GRM6: variants seen among roughly 807,000 people sequenced by gnomAD.
The protein encoded by GRM6 is glutamate metabotropic receptor 6, also known as metabotropic glutamate receptor 6.
Under a neutral mutation model 78.4 loss-of-function variants are expected in GRM6, and 73 were observed. That is an observed-to-expected ratio of 0.93 (90% CI 0.77 to 1.13). GRM6 has a LOEUF of 1.13. Among genes scored for constraint, GRM6 ranks in the 50% most tolerant of loss-of-function variants. The pLI, the probability that GRM6 is intolerant of heterozygous loss-of-function variation, is 0.00. For missense variants in GRM6, 1,251 were observed against 1,256.4 expected, an observed-to-expected ratio of 1.00 and a Z score of 0.07; for synonymous variants, 580 against 555.0, an observed-to-expected ratio of 1.05 and a Z score of -0.63.
At position 178,986,506 on chromosome 5, in the gene GRM6, G is replaced by A. The variant is rs62638211; in HGVS notation, c.1748C>T (p.Ser583Phe). The change falls in exon 9 of 11, where the codon TCC becomes TTC. Residue 583 changes from serine (S) to phenylalanine (F), a missense_variant. Ser to Phe is a radical substitution (Grantham distance 155). Coordinates refer to ENST00000517717, the MANE Select transcript of GRM6 (RefSeq NM_000843.4). Reference sequence around the variant, plus strand: ...GAGGAGCGGCGGGGCTGCCCAGGGGGAGGACCAGCTCAGGCGCACCACAGG... The same window carrying A: ...GAGGAGCGGCGGGGCTGCCCAGGGGAAGGACCAGCTCAGGCGCACCACAGG... ...PTPVVRLSWS[S>F]PWAAPPLLLA... 2.5e-5 allele frequency: 41 copies of A among 1,609,584 alleles called. No individual in the cohort carries two copies. Among genetic ancestry groups the A allele is most frequent in the Middle Eastern group, 3.3e-4 (2 of 6,052 alleles).
At position 178,981,709 on chromosome 5, in the gene GRM6, G is replaced by A; in HGVS notation, c.2582C>T (p.Thr861Ile). ...CTTGGGTGGGGCTGCCACCGTGGAG[G>A]TGGCCTTGAGGCTCCGCTTTCGCTT... ...VQKRKRSLKA[T>I]STVAAPPKGE... The change falls in exon 11 of 11, where the codon ACC becomes ATC. Residue 861 changes from threonine (T) to isoleucine (I), a missense_variant. Thr to Ile is a moderately conservative substitution (Grantham distance 89, BLOSUM62 -1). Transcript: ENST00000517717. This position sits in a 1 kb window ranked among gnomAD's most constrained non-coding sequence, Gnocchi z 5.1. The A allele has an allele frequency of 1.2e-6, 2 of 1,614,144 alleles. No individual in the cohort carries two copies. Among genetic ancestry groups the A allele is most frequent in the Non-Finnish European group, 1.7e-6 (2 of 1,179,986 alleles).
In GRM6 at chr5:178,981,680, C is replaced by T. The variant is rs150479026; in HGVS notation, c.2611G>A (p.Glu871Lys). 4.5e-5 allele frequency: 73 copies of T among 1,613,838 alleles called. No homozygotes were observed. The highest frequency in any genetic ancestry group is 6.7e-5 in the East Asian group (3 of 44,876). The change falls in exon 11 of 11, where the codon GAG becomes AAG. Residue 871 changes from glutamate to lysine, a missense_variant. Transcript: ENST00000517717. This position sits in a 1 kb window ranked among gnomAD's most constrained non-coding sequence, Gnocchi z 5.1. Reference sequence around the variant, plus strand: ...TGCTACTTGTGGGCCTCTGCATCCTCGCCCTTGGGTGGGGCTGCCACCGTG... The same window carrying T: ...TGCTACTTGTGGGCCTCTGCATCCTTGCCCTTGGGTGGGGCTGCCACCGTG... ...TSTVAAPPKG[E>K]DAEAHK
Position 178,991,817 on chromosome 5 carries a change from C to T in GRM6, c.721+50G>A. 1.3e-6 allele frequency: 2 copies of T among 1,508,620 alleles called. No individual in the cohort carries two copies. Among genetic ancestry groups the T allele is most frequent in the South Asian group, 2.3e-5 (2 of 87,658 alleles). 93.5% of individuals were successfully genotyped at this position (1,508,620 alleles called of 1,614,324 possible). A position where few individuals can be genotyped will look rare whatever the true frequency, so the allele number is the denominator to read the frequency against. On this transcript the variant is annotated intron_variant, in intron 3 of 10. Coordinates refer to ENST00000517717, the MANE Select transcript of GRM6 (RefSeq NM_000843.4). This position sits in a 1 kb window ranked among gnomAD's most constrained non-coding sequence, Gnocchi z 5.0. Reference sequence around the variant, plus strand: ...TCTGCTTCTGCCCCAACTGAGGGCCCCGGGCCCACACTATGTAGACTCCTT... The same window carrying T: ...TCTGCTTCTGCCCCAACTGAGGGCCTCGGGCCCACACTATGTAGACTCCTT...
chr5:178,993,414 G>C (rs1428522986), intron 2 of GRM6, among the ~76,000 whole-genome samples: 2 of 152,170 alleles, frequency 1.3e-5, no homozygotes, highest in South Asian at 2.1e-4. Context: ...AGCCTGTCTG[G>C]TGCCAGCGTG....
Position 178,986,088 on chromosome 5 carries a change from G to A in GRM6, c.2124+42C>T, listed in dbSNP as rs776202321. ...TTTTGGCTTTGTAACGTTGCGGACA[G>A]TCCCCCTCCCTGCCCTGGCCCTTGG... On this transcript the variant is annotated intron_variant, in intron 9 of 10. Transcript: ENST00000517717. 2.5e-6 allele frequency: 4 copies of A among 1,583,628 alleles called. No individual in the cohort carries two copies. The South Asian group carries it at 4.6e-5, about 18-fold the overall frequency.
intron 9 of GRM6, chr5:178,985,821 G>A (rs775419902): frequency 3.6e-5 from 19 of 530,102 alleles, no homozygotes; most frequent in South Asian, 2.6e-4. Flanking sequence ...GATTGTAGTG[G>A]TGCGATCTTG....
Position 178,991,633 on chromosome 5 carries a change from A to T in GRM6, c.722-74T>A, listed in dbSNP as rs1371474538. On this transcript the variant is annotated intron_variant, in intron 3 of 10. Coordinates refer to ENST00000517717, the MANE Select transcript of GRM6 (RefSeq NM_000843.4). This position sits in a 1 kb window ranked among gnomAD's most constrained non-coding sequence, Gnocchi z 5.0. ...ACCCACCTGGCCACCGCTGCAGAGG[A>T]CTGTGTAGGCTGGCTGAAGGGTCTG... 7.5e-7 allele frequency: 1 copy of T among 1,340,538 alleles called. No homozygotes were observed. Among genetic ancestry groups the T allele is most frequent in the East Asian group, 3.1e-5 (1 of 32,346 alleles). 83.0% of individuals were successfully genotyped at this position (1,340,538 alleles called of 1,614,324 possible).
Position 178,986,998 on chromosome 5 carries a change from C to T in GRM6, c.1355-15G>A, listed in dbSNP as rs200519456. 253 of 1,611,592 alleles carry T rather than the reference C, an allele frequency of 1.6e-4. 3 individuals carry two copies. The East Asian group carries it at 5.0e-3, about 32-fold the overall frequency. ...TCCTGCGCTGCCTGGAGAGAGAGTC[C>T]GTCATCCTCGGTGGTCCTCCAGCCC... is the stretch of plus-strand genomic sequence containing the variant. On this transcript the variant is annotated splice_polypyrimidine_tract_variant and intron_variant, in intron 7 of 10. Coordinates refer to ENST00000517717, the MANE Select transcript of GRM6 (RefSeq NM_000843.4).
chr5:178,985,313 C>A, intron 9 of GRM6: 1 of 454,516 alleles, frequency 2.2e-6, no homozygotes, highest in Non-Finnish European at 4.4e-6. Context: ...CACCTGACTG[C>A]CCCGTTTTCC....
chr5:178,992,785 G>T lies in GRM6; in HGVS notation c.505-702C>A, dbSNP rs747232871. Among the ~76,000 whole-genome samples the T allele has an allele frequency of 6.6e-5, 10 of 151,984 alleles. No homozygotes were observed. Among genetic ancestry groups the T allele is most frequent in the Admixed American group, 2.0e-4 (3 of 15,270 alleles). On this transcript the variant is annotated intron_variant, in intron 2 of 10. Transcript: ENST00000517717. This position sits in a 1 kb window ranked among gnomAD's most constrained non-coding sequence, Gnocchi z 4.9. ...AGGGGGAGTTTCTGGAAGGAGGGAGGGGGGCTGGTCCAGGGTTGTTTGAAG... is the reference window on the plus strand; with the variant it reads ...AGGGGGAGTTTCTGGAAGGAGGGAGTGGGGCTGGTCCAGGGTTGTTTGAAG...
rs769658459 is a variant in GRM6 at position 178,991,798 on chromosome 5, T to G, written c.721+69A>C. On this transcript the variant is annotated intron_variant, in intron 3 of 10. Transcript: ENST00000517717. This position sits in a 1 kb window ranked among gnomAD's most constrained non-coding sequence, Gnocchi z 5.0. ...GACCTGGGCCCCCCATCTTTCTGCT[T>G]CTGCCCCAACTGAGGGCCCCGGGCC... The G allele has an allele frequency of 2.2e-6, 3 of 1,375,214 alleles. No homozygotes were observed. In the South Asian group the frequency reaches 3.6e-5, roughly 16 times the overall value. 85.2% of individuals were successfully genotyped at this position (1,375,214 alleles called of 1,614,324 possible).
At chr5:178,982,512 G>A (rs1425059475) in intron 10 of GRM6, among the ~76,000 whole-genome samples, 1 of 146,072 alleles carries the variant, frequency 6.8e-6, no homozygotes, top group Non-Finnish European at 1.5e-5. Context: ...AGGAGGCGGA[G>A]CTTGCAGTGA....
intron 9 of GRM6, chr5:178,985,663 A>G (rs538813066): frequency 1.9e-4 from 76 of 398,714 alleles, no homozygotes; most frequent in Admixed American, 1.1e-3. Context: ...AGATAGTGCC[A>G]CTGCACTCCA....
Position 178,988,918 on chromosome 5 carries a change from G to T in GRM6, c.1354+17C>A, listed in dbSNP as rs570148774. On this transcript the variant is annotated intron_variant, in intron 7 of 10. Coordinates refer to ENST00000517717, the MANE Select transcript of GRM6 (RefSeq NM_000843.4). This position sits in a 1 kb window ranked among gnomAD's most constrained non-coding sequence, Gnocchi z 6.0. The stretch of plus-strand genomic sequence containing the variant: ...CAGCTGTCCTTCACTGCTGCAGGGG[G>T]GCAGGCACCCACTCACCATTGAAGC... 6 of 1,601,288 alleles carry T rather than the reference G, an allele frequency of 3.7e-6. No homozygotes were observed. The highest frequency in any genetic ancestry group is 2.1e-4 in the Middle Eastern group (1 of 4,798).
chr5:178,985,608 C>G (rs558118519), intron 9 of GRM6: 13 of 352,286 alleles, frequency 3.7e-5, no homozygotes, highest in African/African-American at 2.9e-4. Flanking sequence ...GAGGCTGAGG[C>G]AGGAGAATGG....
rs148767436 is a variant in GRM6 at position 178,992,167 on chromosome 5, C to T, written c.505-84G>A. ...GGGTAAGGGGGGCCCAGGACACGGA[C>T]GGGGCACAGAAGGTGTGTGGCATGG... On this transcript the variant is annotated intron_variant, in intron 2 of 10. Transcript: ENST00000517717. The surrounding 1 kb of genome is among the most constrained non-coding windows in gnomAD (Gnocchi z 4.9). 4,413 of 900,418 alleles carry T rather than the reference C, an allele frequency of 4.9e-3. 20 individuals carry two copies. Among genetic ancestry groups the T allele is most frequent in the Non-Finnish European group, 6.5e-3 (3,634 of 558,808 alleles). 55.8% of individuals were successfully genotyped at this position (900,418 alleles called of 1,614,324 possible). A position where few individuals can be genotyped will look rare whatever the true frequency, so the allele number is the denominator to read the frequency against.
intron 2 of GRM6, among the ~76,000 whole-genome samples, chr5:178,994,007 C>T (rs2113346676): frequency 6.6e-6 from 1 of 152,380 alleles, no homozygotes; most frequent in South Asian, 2.1e-4. Context: ...CCAGTTGCTG[C>T]TCTGGAAGAA....
rs1760614366 is a variant in GRM6 at position 178,988,837 on chromosome 5, C to T, written c.1354+98G>A. The T allele has an allele frequency of 2.0e-6, 2 of 984,164 alleles. No individual in the cohort carries two copies. Among genetic ancestry groups the T allele is most frequent in the South Asian group, 1.5e-5 (1 of 68,894 alleles). 61.0% of individuals were successfully genotyped at this position (984,164 alleles called of 1,614,324 possible). ...GCACCCCCATTAGACCACTCAGCCT[C>T]ACCCAGCCCTTCCACCCTGAGGTTG... On this transcript the variant is annotated intron_variant, in intron 7 of 10. Coordinates refer to ENST00000517717, the MANE Select transcript of GRM6 (RefSeq NM_000843.4). This position sits in a 1 kb window ranked among gnomAD's most constrained non-coding sequence, Gnocchi z 6.0.
rs774514821 is a variant in GRM6, at chr5:178,986,333, T to C, written c.1921A>G (p.Met641Val). Residue 641 changes from methionine (M) to valine (V), a missense_variant, in exon 9 of 11, where the codon ATG (methionine) becomes GTG (valine). By Grantham distance (21) the Met-to-Val change is conservative (BLOSUM62 1). Transcript: ENST00000517717. ...IFLIYAITFL[M>V]VAEPGAAVCA... ...ACCGCGGCCCCAGGCTCAGCCACCA[T>C]GAGGAAGGTGATGGCGTAGATGAGG... 1.9e-6 allele frequency: 3 copies of C among 1,613,826 alleles called. No individual in the cohort carries two copies. The highest frequency in any genetic ancestry group is 1.3e-5 in the African/African-American group (1 of 74,912).
Sources: allele counts gnomAD v4.1 joint callset (sites outside exome capture counted in the v4.1 genomes callset), GRCh38; gene constraint gnomAD v4.1.1; non-coding constraint Gnocchi (gnomAD v3.1); transcripts MANE v1.5; gene names NCBI Gene and HGNC (gene_info 2026-07-23, HGNC 2026-07-21).